Variants in UBE3B observed in about 807,000 individuals in gnomAD.
The protein encoded by UBE3B is ubiquitin protein ligase E3B, also known as ubiquitin-protein ligase E3B.
Under a neutral mutation model 132.3 loss-of-function variants are expected in UBE3B, and 80 were observed. The ratio of observed to expected loss-of-function variants is 0.60; its 90% CI spans 0.50 to 0.73. The LOEUF is 0.73. Ranked by LOEUF, UBE3B falls within the 30% of genes least tolerant of loss-of-function variation. The pLI is 0.00. For missense variants in UBE3B, 1,196 were observed against 1,362.5 expected, an observed-to-expected ratio of 0.88 and a Z score of 1.92; for synonymous variants, 487 against 520.4, an observed-to-expected ratio of 0.94 and a Z score of 0.87.
chr12:109,497,184 A>G (rs1248341181), intron 9 of UBE3B, among the ~76,000 whole-genome samples: 1 of 152,168 alleles, frequency 6.6e-6, no homozygotes, highest in East Asian at 1.9e-4. Flanking sequence ...AAAAAGAAAA[A>G]AATTTCTCAT....
At chr12:109,527,542 A>G (rs1020280158) in intron 24 of UBE3B, among the ~76,000 whole-genome samples, 2 of 152,354 alleles carry the variant, frequency 1.3e-5, no homozygotes, top group East Asian at 3.9e-4. Context: ...CAGGTGGTTC[A>G]GTCAGTCTGC....
chr12:109,529,263 G>A (rs1422947643), intron 24 of UBE3B, among the ~76,000 whole-genome samples: 1 of 152,210 alleles, frequency 6.6e-6, no homozygotes, highest in Non-Finnish European at 1.5e-5. Context: ...TGCAGTTGTA[G>A]TTGAGGGCAC....
Position 109,508,152 on chromosome 12 carries a change from T to A in UBE3B, c.1622+417T>A, listed in dbSNP as rs1052539913. 7.2e-5 allele frequency among the ~76,000 whole-genome samples: 11 copies of A among 152,228 alleles called. No individual in the cohort carries two copies. The South Asian group carries it at 2.3e-3, about 32-fold the overall frequency. ...CGGATTCAACCTCTCTGAGACTCAG[T>A]TGACTCATCTGTAAATGGGAATGAC... On this transcript the variant is annotated intron_variant, in intron 15 of 27. Transcript: ENST00000342494.
chr12:109,526,507 T>C, intron 24 of UBE3B, 91 bp downstream of exon 24: 2 of 1,349,330 alleles, frequency 1.5e-6, no homozygotes, highest in Non-Finnish European at 2.1e-6. Flanking sequence ...TTAAGATAGA[T>C]TGAAGTAGAA....
chr12:109,481,087 A>G lies in UBE3B; in HGVS notation c.-127-550A>G, dbSNP rs369160337. Among the ~76,000 whole-genome samples, 35 of 151,554 alleles carry G rather than the reference A, an allele frequency of 2.3e-4. No homozygotes were observed. In the East Asian group the frequency reaches 5.7e-3, roughly 24 times the overall value. On this transcript the variant is annotated intron_variant, in intron 1 of 27. Coordinates refer to ENST00000342494, the MANE Select transcript of UBE3B (RefSeq NM_130466.4). ...GCCACTGCACTCCAGCCTGGGCGACAGAGCAAGACTCCGTCTCAAAAAAAA... is the reference window on the plus strand; with the variant it reads ...GCCACTGCACTCCAGCCTGGGCGACGGAGCAAGACTCCGTCTCAAAAAAAA...
At chr12:109,490,525 T>C (rs1253178562) in intron 8 of UBE3B, 1 of 1,535,940 alleles carries the variant, frequency 6.5e-7, no homozygotes, top group Non-Finnish European at 8.7e-7. Context: ...TGGTTTCATA[T>C]GCTCCTCACA....
intron 26 of UBE3B, among the ~76,000 whole-genome samples, chr12:109,532,039 T>C (rs1566116997): frequency 6.6e-6 from 1 of 152,076 alleles, no homozygotes; most frequent in African/African-American, 2.4e-5. Flanking sequence ...CATGCTTCTC[T>C]TAAATGTAAA....
At chr12:109,510,275 A>G (rs1880196669) in intron 16 of UBE3B, 69 bp from the exon 17 acceptor site, 2 of 1,256,172 alleles carry the variant, frequency 1.6e-6, no homozygotes, top group Non-Finnish European at 2.3e-6. Flanking sequence ...TGCGGAAGAC[A>G]AGAGCTGTCC....
At chr12:109,502,466 T>C (rs958884063) in intron 13 of UBE3B, among the ~76,000 whole-genome samples, 2 of 152,196 alleles carry the variant, frequency 1.3e-5, no homozygotes, top group African/African-American at 4.8e-5. Flanking sequence ...GGTTTTCAGG[T>C]TCAGGGTGTC....
chr12:109,495,536 A>T (rs1044085242), intron 9 of UBE3B, among the ~76,000 whole-genome samples: 4 of 152,226 alleles, frequency 2.6e-5, no homozygotes, highest in African/African-American at 9.6e-5. Flanking sequence ...GAGGAATTAA[A>T]GACACACACA....
At chr12:109,526,525 A>C (rs1256329221) in intron 24 of UBE3B, 109 bp downstream of exon 24, 21 of 1,135,216 alleles carry the variant, frequency 1.8e-5, no homozygotes, top group Non-Finnish European at 2.4e-5. Context: ...GAAAGAGGCC[A>C]TAAATATCAT....
rs140802141 is a variant in UBE3B at position 109,536,297 on chromosome 12, G to A, written c.*1515G>A. 3.9e-5 allele frequency: 6 copies of A among 152,382 alleles called. No individual in the cohort carries two copies. In the East Asian group the frequency reaches 9.6e-4, roughly 24 times the overall value. The allele number at this position is 152,382 out of a possible 1,614,324, so 9.4% of individuals were successfully genotyped here. Reference sequence around the variant, plus strand: ...ACTTGCCACTTTCTCCAAACGCTCGGTTCCTTTGAAGATTTCTTCTGAACG... The same window carrying A: ...ACTTGCCACTTTCTCCAAACGCTCGATTCCTTTGAAGATTTCTTCTGAACG... On this transcript the variant is annotated 3_prime_UTR_variant, in exon 28 of 28. Transcript: ENST00000342494.
chr12:109,526,365 G>T lies in UBE3B; in HGVS notation c.2576G>T (p.Cys859Phe). 6.2e-7 allele frequency: 1 copy of T among 1,614,096 alleles called. No individual in the cohort carries two copies. ...TCCCATCTTCTCCCCCAGCTTGTTT[G>T]CCATGAACTGATTCCTGGAGGGAAG... ...YDEDVMGQLV[C>F]HELIPGGKTI... The change falls in exon 24 of 28, where the codon TGC becomes TTC. Residue 859 changes from cysteine (C) to phenylalanine (F), a missense_variant. Coordinates refer to ENST00000342494, the MANE Select transcript of UBE3B (RefSeq NM_130466.4).
At chr12:109,532,150 G>A (rs186372235) in intron 26 of UBE3B, among the ~76,000 whole-genome samples, 30 of 152,280 alleles carry the variant, frequency 2.0e-4, no homozygotes, top group African/African-American at 6.3e-4. Context: ...AATTTGCAGC[G>A]GGCAGACCTG....
In UBE3B at chr12:109,535,911, C is replaced by T. The variant is rs935924105; in HGVS notation, c.*1129C>T. On this transcript the variant is annotated 3_prime_UTR_variant, in exon 28 of 28. Coordinates refer to ENST00000342494, the MANE Select transcript of UBE3B (RefSeq NM_130466.4). ...GAACTTTAGCTCCAGGGAACTGAGG[C>T]AGAGGCCCTGTTTGTGGTCTGTGTT... is the stretch of plus-strand genomic sequence containing the variant. 3 of 152,180 alleles carry T rather than the reference C, an allele frequency of 2.0e-5. No homozygotes were observed. The highest frequency in any genetic ancestry group is 7.2e-5 in the African/African-American group (3 of 41,442). 9.4% of individuals were successfully genotyped at this position (152,180 alleles called of 1,614,324 possible).
chr12:109,534,389 G>T lies in UBE3B; in HGVS notation c.3016-202G>T. On this transcript the variant is annotated intron_variant, in intron 27 of 27. Transcript: ENST00000342494. This position sits in a 1 kb window ranked among gnomAD's most constrained non-coding sequence, Gnocchi z 5.2. ...GCAGGAATTCTCTGTGCAGGCCCCA[G>T]GGAGAAGGGGTTCCTTCTCTGGAAG... 1 of 1,414,188 alleles carries T rather than the reference G, an allele frequency of 7.1e-7. No individual in the cohort carries two copies. The allele number at this position is 1,414,188 out of a possible 1,614,324, so 87.6% of individuals were successfully genotyped here. A position where few individuals can be genotyped will look rare whatever the true frequency, so the allele number is the denominator to read the frequency against.
chr12:109,511,145 C>T, intron 17 of UBE3B, 59 bp from the exon 18 acceptor site: 1 of 1,519,170 alleles, frequency 6.6e-7, no homozygotes, highest in Non-Finnish European at 9.1e-7. Flanking sequence ...TTCCCAGCCT[C>T]ACACTAGAGG....
At position 109,511,193 on chromosome 12, in the gene UBE3B, T is replaced by G. The variant is rs780111946; in HGVS notation, c.1857-11T>G. ...TTTTAATTCTCCCAAACCCATGTCT[T>G]TCTTCTCAAGGGATCTCAAACCTAG... On this transcript the variant is annotated splice_polypyrimidine_tract_variant and intron_variant, in intron 17 of 27. Coordinates refer to ENST00000342494, the MANE Select transcript of UBE3B (RefSeq NM_130466.4). 5 of 1,613,624 alleles carry G rather than the reference T, an allele frequency of 3.1e-6. No homozygotes were observed. The highest frequency in any genetic ancestry group is 1.3e-5 in the African/African-American group (1 of 75,028).
At chr12:109,481,605 A>G (rs1295894251) in intron 1 of UBE3B, 32 bp from the exon 2 acceptor site, 4 of 152,202 alleles carry the variant, frequency 2.6e-5, no homozygotes, top group African/African-American at 9.7e-5. Context: ...ATTTAACCCT[A>G]AGTCTGGATT....
Sources: gnomAD v4.1 joint callset for allele counts (sites outside exome capture counted in the v4.1 genomes callset) on GRCh38, gnomAD v4.1.1 for gene constraint, Gnocchi (gnomAD v3.1) non-coding constraint, MANE v1.5 for transcripts, NCBI Gene and HGNC (gene_info 2026-07-23, HGNC 2026-07-21) for gene names.